The following ASS1 variants were observed in gnomAD, a reference collection of about 807,000 sequenced individuals.
The protein encoded by ASS1 is argininosuccinate synthase 1, also known as argininosuccinate synthase.
ASS1 carries 58 observed loss-of-function variants against 60.5 expected under a neutral mutation model. The observed-to-expected ratio is 0.96, with a 90% CI of 0.78 to 1.19. ASS1 has a LOEUF of 1.19. Among genes scored for constraint, ASS1 ranks in the 50% most tolerant of loss-of-function variants. The probability of loss-of-function intolerance (pLI) is 0.00; values close to 1 mark genes in which losing one functional copy is unlikely to be tolerated. For missense variants in ASS1, 454 were observed against 547.3 expected (o/e 0.83, Z 1.70); for synonymous variants, 200 against 206.9 (o/e 0.97, Z 0.29).
intron 3 of ASS1, among the ~76,000 whole-genome samples, chr9:130,456,388 C>T (rs1443615382): frequency 2.6e-5 from 4 of 151,974 alleles, no homozygotes; most frequent in African/African-American, 7.3e-5. Context: ...GTCGCTTGAA[C>T]CCAGGAGGCG....
At chr9:130,482,668 A>G (rs545518951) in intron 11 of ASS1, among the ~76,000 whole-genome samples, 28 of 152,164 alleles carry the variant, frequency 1.8e-4, no homozygotes, top group Admixed American at 2.6e-4. Flanking sequence ...TGAATGTGGA[A>G]TGGTAGCTGA....
intron 8 of ASS1, among the ~76,000 whole-genome samples, chr9:130,471,849 GCCCAGCCTGTGCCCACCAGCT>G (rs1399502366): frequency 6.6e-6 from 1 of 152,182 alleles, no homozygotes; most frequent in African/African-American, 2.4e-5. Flanking sequence ...TTGGGGGAGG[GCCCAGCCTGTGCCCACCAGCT>G]CCCAGGCTGT....
At chr9:130,496,097 G>C (rs1404203575) in intron 13 of ASS1, among the ~76,000 whole-genome samples, 1 of 152,106 alleles carries the variant, frequency 6.6e-6, no homozygotes, top group Non-Finnish European at 1.5e-5. Context: ...GGCCAAGAGA[G>C]ACTGCCTAGG....
At position 130,480,426 on chromosome 9, in the gene ASS1, G is replaced by A. The variant is rs768215008; in HGVS notation, c.815G>A (p.Arg272His). The A allele has an allele frequency of 5.0e-6, 8 of 1,614,016 alleles. No homozygotes were observed. Among genetic ancestry groups the A allele is most frequent in the East Asian group, 2.2e-5 (1 of 44,890 alleles). ...GGCCGTATTGACATCGTGGAGAACC[G>A]CTTCATTGGAATGAAGTCCCGAGGT... ...GVGRIDIVEN[R>H]FIGMKSRGIY... The change falls in exon 11 of 15, where the codon CGC (arginine) becomes CAC (histidine). Residue 272 changes from arginine (R) to histidine (H), a missense_variant. Transcript: ENST00000352480.
rs973405799 is a variant in ASS1, at chr9:130,466,498, C to T, written c.421-227C>T. Reference sequence around the variant, plus strand: ...ACCCCCTTCTCACCCCAACACACCACCATTCTGCCATGGAGTGCAGGCTCC... The same window carrying T: ...ACCCCCTTCTCACCCCAACACACCATCATTCTGCCATGGAGTGCAGGCTCC... On this transcript the variant is annotated intron_variant, in intron 5 of 14. Transcript: ENST00000352480. The T allele has an allele frequency of 5.0e-6, 3 of 601,570 alleles. No homozygotes were observed. In the Admixed American group the frequency reaches 8.1e-5, roughly 16 times the overall value. The allele number at this position is 601,570 out of a possible 1,614,324, so 37.3% of individuals were successfully genotyped here.
At position 130,481,016 on chromosome 9, in the gene ASS1, A is replaced by G. The variant is rs370653727; in HGVS notation, c.838+567A>G. Among the ~76,000 whole-genome samples the G allele has an allele frequency of 3.3e-5, 5 of 152,248 alleles. No individual in the cohort carries two copies. In the South Asian group the frequency reaches 6.2e-4, roughly 19 times the overall value. ...AGTTGAGGCTGAGCTTCAGTGTGAC[A>G]TGCCTGCCACCTCGGCTGGCCTCTA... On this transcript the variant is annotated intron_variant, in intron 11 of 14. Coordinates refer to ENST00000352480, the MANE Select transcript of ASS1 (RefSeq NM_054012.4).
chr9:130,481,651 G>A (rs561601273), intron 11 of ASS1, among the ~76,000 whole-genome samples: 11 of 152,352 alleles, frequency 7.2e-5, no homozygotes, highest in African/African-American at 2.4e-4. Flanking sequence ...GTTTCCCCAA[G>A]TGTAATGCGG....
chr9:130,476,099 T>TG lies in ASS1; in HGVS notation c.598-770dup, dbSNP rs1356617928. On this transcript the variant is annotated intron_variant, in intron 8 of 14. Coordinates refer to ENST00000352480, the MANE Select transcript of ASS1 (RefSeq NM_054012.4). The surrounding 1 kb of genome is among the most constrained non-coding windows in gnomAD (Gnocchi z 4.9). ...AAAGCAAAGATGAGACAGCAGTTCC[T>TG]GGATGTCAGCAGGTGAACAAGGACC... Among the ~76,000 whole-genome samples the TG allele has an allele frequency of 6.6e-6, 1 of 152,160 alleles. No homozygotes were observed. Among genetic ancestry groups the TG allele is most frequent in the Admixed American group, 6.5e-5 (1 of 15,280 alleles).
At chr9:130,455,246 TCATC>T (rs943574421) in intron 3 of ASS1, among the ~76,000 whole-genome samples, 6 of 149,674 alleles carry the variant, frequency 4.0e-5, no homozygotes, top group African/African-American at 1.5e-4. Flanking sequence ...ATCCATCCAT[TCATC>T]CATCCATCAT....
At chr9:130,450,943 G>A (rs912632726) in intron 1 of ASS1, among the ~76,000 whole-genome samples, 17 of 152,198 alleles carry the variant, frequency 1.1e-4, no homozygotes, top group Non-Finnish European at 1.5e-4. Flanking sequence ...TGGGAAATGC[G>A]GGATGCTGGG....
In ASS1 at chr9:130,501,173, C is replaced by A; in HGVS notation, c.*152C>A. The A allele has an allele frequency of 1.2e-6, 1 of 817,276 alleles. No individual in the cohort carries two copies. Among genetic ancestry groups the A allele is most frequent in the Admixed American group, 2.1e-5 (1 of 48,114 alleles). The allele number at this position is 817,276 out of a possible 1,614,324, so 50.6% of individuals were successfully genotyped here. On this transcript the variant is annotated 3_prime_UTR_variant, in exon 15 of 15. Transcript: ENST00000352480. ...GCCCCAGCTTTGTTCCCTGGTCCCC[C>A]TGAAGCCTGCAAACGTTGTCATCGA...
chr9:130,445,261 C>G (rs1424961509), intron 1 of ASS1: 1 of 947,374 alleles, frequency 1.1e-6, no homozygotes, highest in East Asian at 1.2e-4. Flanking sequence ...TCCCCGGGTC[C>G]GAAGAGCGGC....
At chr9:130,455,225 T>C (rs1845422275) in intron 3 of ASS1, among the ~76,000 whole-genome samples, 1 of 150,374 alleles carries the variant, frequency 6.7e-6, no homozygotes, top group Non-Finnish European at 1.5e-5. Flanking sequence ...CCATCATCCA[T>C]CCGTCTATTC....
intron 1 of ASS1, 94 bp downstream of exon 1, chr9:130,445,089 C>A: frequency 1.1e-6 from 1 of 947,818 alleles, no homozygotes; most frequent in African/African-American, 1.8e-5. Flanking sequence ...ACGCCCGCCC[C>A]GGGGCCCGCG....
chr9:130,476,740 G>T lies in ASS1; in HGVS notation c.598-131G>T. 1 of 872,010 alleles carries T rather than the reference G, an allele frequency of 1.1e-6. No individual in the cohort carries two copies. Among genetic ancestry groups the T allele is most frequent in the Admixed American group, 1.7e-5 (1 of 57,610 alleles). The allele number at this position is 872,010 out of a possible 1,614,324, so 54.0% of individuals were successfully genotyped here. A position where few individuals can be genotyped will look rare whatever the true frequency, so the allele number is the denominator to read the frequency against. Reference sequence around the variant, plus strand: ...GCTAGGCTGAGGGCTGGGGACCGGGGGATCTGCCGGACCCCACCAGCTGGT... The same window carrying T: ...GCTAGGCTGAGGGCTGGGGACCGGGTGATCTGCCGGACCCCACCAGCTGGT... On this transcript the variant is annotated intron_variant, in intron 8 of 14. Transcript: ENST00000352480. This position sits in a 1 kb window ranked among gnomAD's most constrained non-coding sequence, Gnocchi z 4.9.
At chr9:130,498,460 T>G (rs936826639) in intron 13 of ASS1, among the ~76,000 whole-genome samples, 13 of 152,164 alleles carry the variant, frequency 8.5e-5, no homozygotes, top group African/African-American at 1.4e-4. Context: ...AATGGGTGAT[T>G]GATTGCTTCG....
chr9:130,466,912 G>C, intron 6 of ASS1, 113 bp downstream of exon 6: 8 of 1,232,562 alleles, frequency 6.5e-6, no homozygotes, highest in Non-Finnish European at 9.4e-6. Flanking sequence ...GACCCCATGT[G>C]ATGGGGGATT....
chr9:130,452,285 C>A lies in ASS1; in HGVS notation c.57C>A (p.Cys19Ter). ...ACAGTGGCGGCCTGGACACCTCGTG[C>A]ATCCTCGTGTGGCTGAAGGAACAAG... Reference protein sequence around the residue: ...LAYSGGLDTSCILVWLKEQGY... With the variant: ...LAYSGGLDTS Residue 19 changes from cysteine (C) to a stop codon, truncating the protein, a stop_gained, in exon 2 of 15, where the codon TGC (cysteine) becomes TGA (stop). Transcript: ENST00000352480. LOFTEE classifies it high-confidence loss of function. 1 of 1,614,192 alleles carries A rather than the reference C, an allele frequency of 6.2e-7. No individual in the cohort carries two copies. Among genetic ancestry groups the A allele is most frequent in the South Asian group, 1.1e-5 (1 of 91,086 alleles).
rs575226762 is a variant in ASS1, at chr9:130,470,786, C to T, written c.496-48C>T. 107 of 1,568,640 alleles carry T rather than the reference C, an allele frequency of 6.8e-5. No homozygotes were observed. The highest frequency in any genetic ancestry group is 1.2e-4 in the African/African-American group (9 of 74,090). On this transcript the variant is annotated intron_variant, in intron 6 of 14. Transcript: ENST00000352480. This position sits in a 1 kb window ranked among gnomAD's most constrained non-coding sequence, Gnocchi z 4.3. Reference sequence around the variant, plus strand: ...CAGGGCCCCTGGGACGGACCTCACGCGTCCTTCCAGCCGCCTTACCTCCAC... The same window carrying T: ...CAGGGCCCCTGGGACGGACCTCACGTGTCCTTCCAGCCGCCTTACCTCCAC...
Sources: gnomAD v4.1 joint callset for allele counts (sites outside exome capture counted in the v4.1 genomes callset) on GRCh38, gnomAD v4.1.1 for gene constraint, Gnocchi (gnomAD v3.1) non-coding constraint, MANE v1.5 for transcripts, NCBI Gene and HGNC (gene_info 2026-07-23, HGNC 2026-07-21) for gene names.